Variants in ESR1 observed in about 807,000 individuals in gnomAD.
ESR1 encodes estrogen receptor 1.
A neutral mutation model predicts 52.7 loss-of-function variants in ESR1; 12 were observed. That is an observed-to-expected ratio of 0.23 (90% CI 0.15 to 0.37). The LOEUF is 0.37. ESR1 is among the 10% of genes least tolerant of loss of function. The pLI, the probability that ESR1 is intolerant of heterozygous loss-of-function variation, is 1.00. For missense variants in ESR1, 584 were observed against 779.7 expected (o/e 0.75, Z 2.99); for synonymous variants, 305 against 316.8 (o/e 0.96, Z 0.39).
At chr6:151,986,096 G>A (rs1014115609) in intron 4 of ESR1, among the ~76,000 whole-genome samples, 5 of 152,098 alleles carry the variant, frequency 3.3e-5, no homozygotes, top group Admixed American at 6.5e-5. Flanking sequence ...GTCTGGGTGA[G>A]CGGCTCAGTG....
At chr6:151,840,178 G>A (rs186597042) in intron 1 of ESR1, among the ~76,000 whole-genome samples, 2 of 152,116 alleles carry the variant, frequency 1.3e-5, no homozygotes, top group African/African-American at 4.8e-5. Context: ...TCAATTTCAT[G>A]CTTGCTAAAT....
intron 5 of ESR1, among the ~76,000 whole-genome samples, chr6:152,026,254 A>G (rs1380310855): frequency 6.6e-6 from 1 of 152,086 alleles, no homozygotes; most frequent in East Asian, 1.9e-4. Flanking sequence ...ATGAAAACTA[A>G]TGATCCATTA....
intron 4 of ESR1, among the ~76,000 whole-genome samples, chr6:151,985,376 C>T (rs553398036): frequency 1.8e-4 from 27 of 151,742 alleles, no homozygotes; most frequent in African/African-American, 6.5e-4. Flanking sequence ...GGCATGGTGG[C>T]ATGTGCCTGT....
chr6:151,929,346 G>A (rs911076765), intron 3 of ESR1, among the ~76,000 whole-genome samples: 8 of 151,846 alleles, frequency 5.3e-5, no homozygotes, highest in African/African-American at 1.9e-4. Flanking sequence ...TCCTTCTTTG[G>A]TAGTCTGCTT....
chr6:151,684,853 A>G (rs1007423121), intron 1 of ESR1, among the ~76,000 whole-genome samples: 18 of 152,184 alleles, frequency 1.2e-4, no homozygotes, highest in Admixed American at 9.8e-4. Flanking sequence ...AAAGGCACCC[A>G]TAGGCAGGAC....
chr6:152,111,538 T>C (rs1466366150), intron 6 of ESR1, among the ~76,000 whole-genome samples: 2 of 152,196 alleles, frequency 1.3e-5, no homozygotes, highest in Non-Finnish European at 2.9e-5. Context: ...CAGTGAAAGG[T>C]TTGTGAGCCG....
chr6:151,799,132 A>G (rs1308164350), intron 2 of ESR1, among the ~76,000 whole-genome samples: 1 of 152,172 alleles, frequency 6.6e-6, no homozygotes, highest in Non-Finnish European at 1.5e-5. Flanking sequence ...GCCCACACTA[A>G]AAGTCAGAAG....
intron 1 of ESR1, among the ~76,000 whole-genome samples, chr6:151,659,871 T>G (rs1777580754): frequency 6.6e-6 from 1 of 152,294 alleles, no homozygotes; most frequent in East Asian, 1.9e-4. Flanking sequence ...GGGGGCAAAA[T>G]GTATAAAAAC....
chr6:152,027,843 G>A (rs910581679), intron 5 of ESR1, among the ~76,000 whole-genome samples: 1 of 151,988 alleles, frequency 6.6e-6, no homozygotes, highest in Non-Finnish European at 1.5e-5. Context: ...TTGATTTATA[G>A]TTTTAAATAT....
At chr6:152,126,112 T>G (rs1044263677) in exon 7 of ESR1, 1 of 152,214 alleles carries the variant, frequency 6.6e-6, no homozygotes, top group East Asian at 1.9e-4. Flanking sequence ...TGACTTCTAA[T>G]GCTGAAGAAC....
At chr6:151,958,390 G>C (rs1463745036) in intron 4 of ESR1, among the ~76,000 whole-genome samples, 1 of 152,166 alleles carries the variant, frequency 6.6e-6, no homozygotes, top group East Asian at 1.9e-4. Context: ...TATTTTTGTG[G>C]ACATTTTACA....
At chr6:151,943,976 A>T (rs1459371168) in intron 3 of ESR1, among the ~76,000 whole-genome samples, 197 bp from the exon 4 acceptor site, 2 of 152,194 alleles carry the variant, frequency 1.3e-5, no homozygotes, top group African/African-American at 4.8e-5. Flanking sequence ...GGTAGTATTT[A>T]CACCATGAAA....
chr6:152,031,155 T>C (rs1386239017), intron 5 of ESR1, among the ~76,000 whole-genome samples: 2 of 152,188 alleles, frequency 1.3e-5, no homozygotes, highest in Non-Finnish European at 2.9e-5. Flanking sequence ...AGAGGGAACT[T>C]TATAGCACTA....
In ESR1 at chr6:152,056,441, C is replaced by A. The variant is rs555223026; in HGVS notation, c.1236-4550C>A. Among the ~76,000 whole-genome samples, 103 of 152,248 alleles carry A rather than the reference C, an allele frequency of 6.8e-4. 1 individual carries two copies. Among genetic ancestry groups the A allele is most frequent in the African/African-American group, 2.3e-3 (95 of 41,554 alleles). On this transcript the variant is annotated intron_variant, in intron 5 of 7. Transcript: ENST00000206249. ...CAGTTTCCTTTTATATAAAGAGATG[C>A]TAATGGGTAACCTTACATTTTGTAA...
At chr6:151,938,472 T>A (rs1044571104) in intron 3 of ESR1, among the ~76,000 whole-genome samples, 1 of 152,200 alleles carries the variant, frequency 6.6e-6, no homozygotes, top group African/African-American at 2.4e-5. Context: ...CAGATCCTTT[T>A]ATTTTAGGGC....
chr6:151,723,714 C>T (rs879931190), intron 2 of ESR1, among the ~76,000 whole-genome samples: 7 of 151,968 alleles, frequency 4.6e-5, no homozygotes, highest in Non-Finnish European at 1.0e-4. Flanking sequence ...ACTAAAAATA[C>T]AAAAATTAGC....
rs1731948029 is a variant in ESR1, at chr6:152,099,435, G to A, written c.*469G>A. 3.2e-6 allele frequency: 1 copy of A among 310,022 alleles called. No homozygotes were observed. The highest frequency in any genetic ancestry group is 6.7e-5 in the South Asian group (1 of 15,012). 19.2% of individuals were successfully genotyped at this position (310,022 alleles called of 1,614,324 possible). On this transcript the variant is annotated 3_prime_UTR_variant, in exon 8 of 8. Transcript: ENST00000206249. ...TGACTTGGAGAAAGCTAGGTCAAGG[G>A]TTTATTATAGCACCCTCTTGTATTC...
At chr6:151,679,274 G>A (rs992731046) in intron 1 of ESR1, among the ~76,000 whole-genome samples, 1 of 152,136 alleles carries the variant, frequency 6.6e-6, no homozygotes, top group Non-Finnish European at 1.5e-5. Context: ...GTGACTCAAG[G>A]ATGCCACGTG....
intron 2 of ESR1, among the ~76,000 whole-genome samples, chr6:151,851,155 T>C (rs1052741568): frequency 6.6e-6 from 1 of 152,196 alleles, no homozygotes; most frequent in Non-Finnish European, 1.5e-5. Context: ...AAATAGGCAC[T>C]CCAGACACAG....
Sources: allele counts gnomAD v4.1 joint callset (sites outside exome capture counted in the v4.1 genomes callset), GRCh38; gene constraint gnomAD v4.1.1; transcripts MANE v1.5; gene names NCBI Gene and HGNC (gene_info 2026-07-23, HGNC 2026-07-21).